Variants in ATG7 observed in about 807,000 individuals in gnomAD.
The protein encoded by ATG7 is autophagy related 7, also known as ubiquitin-like modifier-activating enzyme ATG7.
ATG7 carries 70 observed loss-of-function variants against 82.4 expected under a neutral mutation model. The observed-to-expected ratio is 0.85, with a 90% confidence interval of 0.70 to 1.04. The LOEUF (loss-of-function observed/expected upper bound fraction) is 1.04, where lower values mean the gene tolerates loss of function less well. ATG7 is among the 50% of genes least tolerant of loss of function. The probability of loss-of-function intolerance (pLI) is 0.00; values close to 1 mark genes in which losing one functional copy is unlikely to be tolerated. For synonymous variants in ATG7, 287 were observed against 313.0 expected, an observed-to-expected ratio of 0.92 and a Z score of 0.88; for missense variants, 792 against 864.3, an observed-to-expected ratio of 0.92 and a Z score of 1.05.
At chr3:11,291,737 T>C (rs1259525727) in intron 3 of ATG7, among the ~76,000 whole-genome samples, 3 of 152,186 alleles carry the variant, frequency 2.0e-5, no homozygotes, top group Non-Finnish European at 4.4e-5. Context: ...CTAATGGAAG[T>C]GTTCATCTGT....
In ATG7 at chr3:11,389,231, T is replaced by TC. The variant is rs1399157034; in HGVS notation, c.1956+9180dup. ...CTGGGGAACAGAGAGAGACCCTGTC[T>TC]CAAAAAAAAAAAAAAAAAAAAAAAA... On this transcript the variant is annotated intron_variant, in intron 19 of 20. Transcript: ENST00000693202. 5.5e-3 allele frequency among the ~76,000 whole-genome samples: 167 copies of TC among 30,336 alleles called. 1 individual carries two copies. Among genetic ancestry groups the TC allele is most frequent in the Middle Eastern group, 0.022 (1 of 46 alleles). 19.9% of individuals were successfully genotyped at this position (30,336 alleles called of 152,430 possible).
At chr3:11,453,125 G>A (rs1054466401) in intron 20 of ATG7, among the ~76,000 whole-genome samples, 3 of 152,216 alleles carry the variant, frequency 2.0e-5, no homozygotes, top group African/African-American at 4.8e-5. Context: ...TTGGAAGATT[G>A]TACAGTAAAA....
intron 13 of ATG7, among the ~76,000 whole-genome samples, chr3:11,342,857 C>T (rs1422372505): frequency 6.6e-6 from 1 of 150,948 alleles, no homozygotes; most frequent in Non-Finnish European, 1.5e-5. Context: ...AGGAAAAAAA[C>T]CCTGGACATA....
intron 20 of ATG7, among the ~76,000 whole-genome samples, chr3:11,494,261 A>T (rs1191495628): frequency 2.6e-5 from 4 of 152,182 alleles, no homozygotes; most frequent in African/African-American, 9.7e-5. Flanking sequence ...AGGGAGGGGT[A>T]AGGAAGAGGA....
chr3:11,303,752 T>G (rs1947209806), intron 5 of ATG7, among the ~76,000 whole-genome samples: 2 of 151,306 alleles, frequency 1.3e-5, no homozygotes, highest in Admixed American at 1.3e-4. Flanking sequence ...TTTCTTTCCC[T>G]TGAGGAATAT....
At chr3:11,328,247 ATAAG>A (rs1174501346) in intron 9 of ATG7, among the ~76,000 whole-genome samples, 1 of 152,212 alleles carries the variant, frequency 6.6e-6, no homozygotes. Flanking sequence ...GCTCTATGAA[ATAAG>A]TAATATATTA....
intron 20 of ATG7, among the ~76,000 whole-genome samples, chr3:11,433,673 G>T (rs868307274): frequency 1.3e-5 from 2 of 152,226 alleles, no homozygotes; most frequent in Middle Eastern, 6.8e-3. Flanking sequence ...ATGATTCCAG[G>T]ATTAATTTTA....
At chr3:11,560,996 G>A (rs1043633021), downstream of ATG7, among the ~76,000 whole-genome samples, 7 of 152,096 alleles carry the variant, frequency 4.6e-5, no homozygotes, top group Non-Finnish European at 1.0e-4. Flanking sequence ...GCAGCAGCAA[G>A]AGAGCAGAAT....
chr3:11,492,399 T>C (rs1317355962), intron 20 of ATG7, among the ~76,000 whole-genome samples: 1 of 152,094 alleles, frequency 6.6e-6, no homozygotes, highest in Non-Finnish European at 1.5e-5. Context: ...GTACCTCAGA[T>C]GGAAATGCAG....
chr3:11,494,321 G>C (rs1225480662), intron 20 of ATG7, among the ~76,000 whole-genome samples: 1 of 152,186 alleles, frequency 6.6e-6, no homozygotes, highest in Non-Finnish European at 1.5e-5. Flanking sequence ...GATGGGTGAG[G>C]GGTCTGGTGT....
At position 11,514,027 on chromosome 3, in the gene ATG7, T is replaced by C. The variant is rs115302303; in HGVS notation, c.2080-40784T>C. Among the ~76,000 whole-genome samples the C allele has an allele frequency of 2.5e-3, 379 of 152,354 alleles. 3 individuals carry two copies. The highest frequency in any genetic ancestry group is 4.4e-3 in the Non-Finnish European group (300 of 68,030). Reference sequence around the variant, plus strand: ...AACTACAGCTACTCATGTGCCACTATGCCAAGCTAATTTTTTTTTGGTTTT... The same window carrying C: ...AACTACAGCTACTCATGTGCCACTACGCCAAGCTAATTTTTTTTTGGTTTT... On this transcript the variant is annotated intron_variant, in intron 20 of 20. Transcript: ENST00000693202.
At chr3:11,273,962 T>C (rs1941095578) in intron 1 of ATG7, among the ~76,000 whole-genome samples, 1 of 152,204 alleles carries the variant, frequency 6.6e-6, no homozygotes, top group Admixed American at 6.5e-5. Flanking sequence ...CTCATGTTGC[T>C]AAACTGCTTT....
the ATG7 span, among the ~76,000 whole-genome samples, chr3:11,570,634 T>C: frequency 6.6e-6 from 1 of 152,192 alleles, no homozygotes; most frequent in African/African-American, 2.4e-5. Flanking sequence ...TTGTGGCAAA[T>C]GACAAGGGAG....
chr3:11,459,883 A>G (rs1318976106), intron 20 of ATG7, among the ~76,000 whole-genome samples: 3 of 152,196 alleles, frequency 2.0e-5, no homozygotes, highest in Non-Finnish European at 2.9e-5. Flanking sequence ...GCCAGATGCT[A>G]TTCTAACCGT....
At chr3:11,295,993 G>T (rs1040708279) in intron 3 of ATG7, among the ~76,000 whole-genome samples, 3 of 151,998 alleles carry the variant, frequency 2.0e-5, no homozygotes, top group Non-Finnish European at 2.9e-5. Context: ...GGTCAGGCTG[G>T]TCTCAAACTC....
At chr3:11,367,042 A>G (rs1254472872) in intron 18 of ATG7, among the ~76,000 whole-genome samples, 5 of 148,338 alleles carry the variant, frequency 3.4e-5, no homozygotes, top group Non-Finnish European at 7.4e-5. Flanking sequence ...TTCAAGTTTC[A>G]AGCCTTTATT....
intron 5 of ATG7, chr3:11,304,360 T>C (rs960894345): frequency 6.6e-6 from 1 of 152,156 alleles, no homozygotes; most frequent in African/African-American, 2.4e-5. Flanking sequence ...TCACATGTGG[T>C]GTGGTTGATG....
intron 19 of ATG7, among the ~76,000 whole-genome samples, chr3:11,392,876 A>AAAGTC (rs1341263980): frequency 6.6e-6 from 1 of 152,198 alleles, no homozygotes; most frequent in East Asian, 1.9e-4. Context: ...CTGTAACAAT[A>AAAGTC]AAGTCAAGTC....
At chr3:11,457,888 T>C (rs1387250617) in intron 20 of ATG7, among the ~76,000 whole-genome samples, 1 of 152,170 alleles carries the variant, frequency 6.6e-6, no homozygotes, top group Non-Finnish European at 1.5e-5. Context: ...TTAGATAATA[T>C]ACCCTCAGGA....
Sources: allele counts gnomAD v4.1 joint callset (sites outside exome capture counted in the v4.1 genomes callset), GRCh38; gene constraint gnomAD v4.1.1; transcripts MANE v1.5; gene names NCBI Gene and HGNC (gene_info 2026-07-23, HGNC 2026-07-21).